Variants in AHNAK observed in about 807,000 individuals in gnomAD.
AHNAK encodes neuroblast differentiation-associated protein AHNAK.
In AHNAK, 23 loss-of-function variants were observed where a neutral mutation model predicts 37.8. That is an observed-to-expected ratio of 0.61 (90% CI 0.44 to 0.86). The LOEUF (loss-of-function observed/expected upper bound fraction) is 0.86. Ranked by LOEUF, AHNAK falls within the 40% of genes least tolerant of loss-of-function variation. The probability of loss-of-function intolerance (pLI) is 0.00; values close to 1 mark genes in which losing one functional copy is unlikely to be tolerated. For synonymous variants in AHNAK, 2,481 were observed against 2,636.3 expected (o/e 0.94, Z 1.80); for missense variants, 7,411 against 7,319.4 (o/e 1.01, Z -0.46).
Position 62,528,075 on chromosome 11 carries a change from G to T in AHNAK, c.6342C>A (p.Ala2114=), listed in dbSNP as rs747059963. 1.2e-6 allele frequency: 2 copies of T among 1,613,116 alleles called. No individual in the cohort carries two copies. The highest frequency in any genetic ancestry group is 1.7e-6 in the Non-Finnish European group (2 of 1,179,790). ...CCACATCAGGCATGGAGATCTTGGG[G>T]GCCTTGAAGTGCATCTCAGGCATCT... The part of the protein sequence containing the change: ...KLKMPEMHFK[A]PKISMPDVDL... The change falls in exon 5 of 5, where the codon GCC becomes GCA. Residue 2114 remains alanine, a synonymous_variant. Coordinates refer to ENST00000378024, the MANE Select transcript of AHNAK (RefSeq NM_001620.3).
chr11:62,526,721 T>G lies in AHNAK; in HGVS notation c.7696A>C (p.Lys2566Gln), dbSNP rs757463763. Residue 2566 changes from lysine (K) to glutamine (Q), a missense_variant, in exon 5 of 5, where the codon AAG (lysine) becomes CAG (glutamine). Transcript: ENST00000378024. ...EGPEGKLKGP[K>Q]LKMPEMNIKA... is the part of the protein sequence containing the mutation. The stretch of plus-strand genomic sequence containing the variant: ...ATGTTCATCTCTGGCATCTTTAACT[T>G]AGGCCCTTTCAACTTTCCCTCTGGT... The G allele has an allele frequency of 2.5e-6, 4 of 1,613,242 alleles. No homozygotes were observed. The Admixed American group carries it at 6.7e-5, about 27-fold the overall frequency.
chr11:62,513,477 G>A (rs1006193287), downstream of AHNAK, among the ~76,000 whole-genome samples: 4 of 152,016 alleles, frequency 2.6e-5, no homozygotes, highest in Non-Finnish European at 4.4e-5. Context: ...GGAGTTTGCA[G>A]TGAGCCAAAT....
At position 62,531,946 on chromosome 11, in the gene AHNAK, T is replaced by C. The variant is rs1161973096; in HGVS notation, c.2471A>G (p.Asp824Gly). Residue 824 changes from aspartate to glycine, a missense_variant, in exon 5 of 5, where the codon GAC becomes GGC. Transcript: ENST00000378024. Reference sequence around the variant, plus strand: ...TACGTTAGGGCCTTTCAGATGTAAGTCCACATCAGGCATGGAGATCTTGGG... The same window carrying C: ...TACGTTAGGGCCTTTCAGATGTAAGCCCACATCAGGCATGGAGATCTTGGG... ...KVPKISMPDV[D>G]LHLKGPNVKG... is the part of the protein sequence containing the mutation. The C allele has an allele frequency of 5.6e-6, 9 of 1,614,172 alleles. No individual in the cohort carries two copies. In the East Asian group the frequency reaches 8.9e-5, roughly 16 times the overall value.
chr11:62,462,626 C>T (rs755629956), intron 5 of AHNAK, among the ~76,000 whole-genome samples: 2 of 152,178 alleles, frequency 1.3e-5, no homozygotes, highest in African/African-American at 2.4e-5. Context: ...GATCTTCTAA[C>T]GCTAAATCCA....
At chr11:62,479,167 CTT>C (rs33929407) in intron 5 of AHNAK, among the ~76,000 whole-genome samples, 4 of 116,234 alleles carry the variant, frequency 3.4e-5, no homozygotes, top group Non-Finnish European at 5.0e-5. Flanking sequence ...TTTCTTTTTT[CTT>C]TTTTTTTTTT....
chr11:62,470,932 G>A (rs770369704), intron 5 of AHNAK, among the ~76,000 whole-genome samples: 8 of 152,084 alleles, frequency 5.3e-5, no homozygotes, highest in South Asian at 2.1e-4. Flanking sequence ...CCAGTCCCCC[G>A]AGACCTGACC....
intron 4 of AHNAK, among the ~76,000 whole-genome samples, chr11:62,497,253 T>G (rs928790714): frequency 2.6e-5 from 4 of 152,204 alleles, no homozygotes; most frequent in Admixed American, 1.3e-4. Flanking sequence ...AGCCTGGGAC[T>G]GAATGATTGG....
At chr11:62,536,302 C>T (rs1940945557) in intron 2 of AHNAK, 167 bp downstream of exon 2, 2 of 502,812 alleles carry the variant, frequency 4.0e-6, no homozygotes, top group Non-Finnish European at 6.9e-6. Context: ...GGAAGTTCTC[C>T]CAAGGCACAG....
intron 5 of AHNAK, among the ~76,000 whole-genome samples, chr11:62,451,808 A>AT (rs1163318132): frequency 0.013 from 1,724 of 135,606 alleles, 37 homozygotes; most frequent in African/African-American, 0.033. Context: ...TAGCAAACTA[A>AT]TTTTTTTTTT....
chr11:62,460,596 A>G (rs1156626836), intron 5 of AHNAK, among the ~76,000 whole-genome samples: 1 of 152,178 alleles, frequency 6.6e-6, no homozygotes. Flanking sequence ...TGATATCTTT[A>G]CAAAAATGAT....
At chr11:62,512,535 T>C (rs1036725852), downstream of AHNAK, among the ~76,000 whole-genome samples, 2 of 152,148 alleles carry the variant, frequency 1.3e-5, no homozygotes, top group African/African-American at 2.4e-5. This position sits in a 1 kb window ranked among gnomAD's most constrained non-coding sequence, Gnocchi z 4.0. Context: ...GTCTCTCTGA[T>C]TGAACTATCT....
chr11:62,484,489 A>T (rs2134878147), intron 5 of AHNAK, among the ~76,000 whole-genome samples: 1 of 152,302 alleles, frequency 6.6e-6, no homozygotes, highest in East Asian at 1.9e-4. Flanking sequence ...GCGAGGTGAC[A>T]TTATAAGGGG....
chr11:62,444,730 T>G (rs1298749120), intron 5 of AHNAK, among the ~76,000 whole-genome samples: 1 of 152,198 alleles, frequency 6.6e-6, no homozygotes, highest in Non-Finnish European at 1.5e-5. Flanking sequence ...GTGCGTCAGC[T>G]GATTACCTGA....
In AHNAK at chr11:62,531,469, C is replaced by G; in HGVS notation, c.2948G>C (p.Ser983Thr). 6.2e-7 allele frequency: 1 copy of G among 1,614,220 alleles called. No homozygotes were observed. The highest frequency in any genetic ancestry group is 8.5e-7 in the Non-Finnish European group (1 of 1,180,036). The change falls in exon 5 of 5, where the codon AGT (serine) becomes ACT (threonine). Residue 983 changes from serine to threonine, a missense_variant. Ser to Thr is a moderately conservative substitution (Grantham distance 58). Transcript: ENST00000378024. The part of the protein sequence containing the change: ...GDLKGPKVDV[S>T]APDVEMQGPD... ...ACCCTGCATTTCAACATCTGGGGCA[C>G]TGACATCTACTTTTGGGCCTTTCAG...
In AHNAK at chr11:62,517,363, G is replaced by A; in HGVS notation, c.17054C>T (p.Pro5685Leu). 6.2e-7 allele frequency: 1 copy of A among 1,614,164 alleles called. No homozygotes were observed. The highest frequency in any genetic ancestry group is 8.5e-7 in the Non-Finnish European group (1 of 1,180,018). The change falls in exon 5 of 5, where the codon CCT becomes CTT. Residue 5685 changes from proline to leucine, a missense_variant. Transcript: ENST00000378024. ...AGCTTGGATGCTGGCCTCTGCTTTA[G>A]GGAAGTGAACATCCACCCCCATTTC... Reference protein sequence around the residue: ...GREMGVDVHFPKAEASIQAGA... With the variant: ...GREMGVDVHFLKAEASIQAGA...
At chr11:62,536,130 C>T in intron 2 of AHNAK, 32 bp from the exon 3 acceptor site, 1 of 1,533,366 alleles carries the variant, frequency 6.5e-7, no homozygotes, top group Non-Finnish European at 8.8e-7. Flanking sequence ...GAACTGGGGT[C>T]AGTGGGGGTG....
intron 5 of AHNAK, among the ~76,000 whole-genome samples, chr11:62,456,083 G>T (rs1212254497): frequency 6.6e-6 from 1 of 152,014 alleles, no homozygotes; most frequent in Non-Finnish European, 1.5e-5. Flanking sequence ...GAGACACCAG[G>T]GGTACACAAG....
rs1940625134 is a variant in AHNAK, at chr11:62,529,092, A to G, written c.5325T>C (p.Asn1775=). 2 of 1,614,012 alleles carry G rather than the reference A, an allele frequency of 1.2e-6. No individual in the cohort carries two copies. Among genetic ancestry groups the G allele is most frequent in the East Asian group, 4.5e-5 (2 of 44,874 alleles). ...KGSKFKMPKL[N]IKAPKVSMPD... ...GCATGGAGACCTTGGGAGCTTTTATATTCAACTTGGGCATCTTAAATTTGG... is the reference window on the plus strand; with the variant it reads ...GCATGGAGACCTTGGGAGCTTTTATGTTCAACTTGGGCATCTTAAATTTGG... Residue 1775 remains asparagine, a synonymous_variant, in exon 5 of 5, where the codon AAT becomes AAC. Transcript: ENST00000378024.
chr11:62,528,039 C>A lies in AHNAK; in HGVS notation c.6378G>T (p.Leu2126Phe). Residue 2126 changes from leucine to phenylalanine, a missense_variant, in exon 5 of 5, where the codon TTG (leucine) becomes TTT (phenylalanine). Transcript: ENST00000378024. ...KISMPDVDLH[L>F]KGPKVKGDVD... Reference sequence around the variant, plus strand: ...CATCCCCTTTGACTTTGGGGCCTTTCAAGTGTAAGTCCACATCAGGCATGG... The same window carrying A: ...CATCCCCTTTGACTTTGGGGCCTTTAAAGTGTAAGTCCACATCAGGCATGG... 1.2e-6 allele frequency: 2 copies of A among 1,613,766 alleles called. No homozygotes were observed. The highest frequency in any genetic ancestry group is 1.7e-6 in the Non-Finnish European group (2 of 1,179,942).
Sources: allele counts gnomAD v4.1 joint callset (sites outside exome capture counted in the v4.1 genomes callset), GRCh38; gene constraint gnomAD v4.1.1; non-coding constraint Gnocchi (gnomAD v3.1); transcripts MANE v1.5; gene names NCBI Gene and HGNC (gene_info 2026-07-23, HGNC 2026-07-21).